Variants in EXT2 observed in about 807,000 individuals in gnomAD.
EXT2 encodes the protein exostosin glycosyltransferase 2.
Under a neutral mutation model 81.6 loss-of-function variants are expected in EXT2, and 53 were observed. That is an observed-to-expected ratio of 0.65 (90% CI 0.52 to 0.82). The LOEUF (loss-of-function observed/expected upper bound fraction) is 0.82, where lower values mean the gene tolerates loss of function less well. EXT2 is among the 40% of genes least tolerant of loss of function. The probability of loss-of-function intolerance (pLI) is 0.00; values close to 1 mark genes in which losing one functional copy is unlikely to be tolerated. For missense variants in EXT2, 774 were observed against 910.2 expected, an observed-to-expected ratio of 0.85 and a Z score of 1.93; for synonymous variants, 320 against 340.0, an observed-to-expected ratio of 0.94 and a Z score of 0.65.
At chr11:44,105,321 C>T (rs1450871850) in intron 1 of EXT2, among the ~76,000 whole-genome samples, 6 of 152,126 alleles carry the variant, frequency 3.9e-5, no homozygotes, top group East Asian at 1.9e-4. Context: ...GAGAAAGAGT[C>T]GTGCTCTATT....
At chr11:44,167,079 C>T (rs138101041) in intron 7 of EXT2, among the ~76,000 whole-genome samples, 86 of 152,290 alleles carry the variant, frequency 5.6e-4, no homozygotes, top group Admixed American at 4.2e-3. Flanking sequence ...TCTTCTCTGA[C>T]GGTACTTGCC....
chr11:44,144,982 A>C (rs72901955), intron 7 of EXT2, among the ~76,000 whole-genome samples: 1 of 152,278 alleles, frequency 6.6e-6, no homozygotes, highest in South Asian at 2.1e-4. Context: ...GTTCAGTCCT[A>C]AAGCATTCAG....
Position 44,232,467 on chromosome 11 carries a change from GT to G in EXT2, c.1778del (p.Val593GlyfsTer28). 1 of 1,614,036 alleles carries G rather than the reference GT, an allele frequency of 6.2e-7. No individual in the cohort carries two copies. Among genetic ancestry groups the G allele is most frequent in the Non-Finnish European group, 8.5e-7 (1 of 1,179,952 alleles). On this transcript the variant is annotated frameshift_variant, in exon 11 of 14. Transcript: ENST00000533608. LOFTEE classifies it high-confidence loss of function. ...TGAGTGGACGAATGAAGTGTCCATG[GT>G]GCTCACTGGGGCAGCTTTTTATCAC... ...ESEWTNEVSMVLTGAAFYHKY... is the reference protein window; with the variant it reads ...ESEWTNEVSMXLTGAAFYHKY...
chr11:44,176,701 G>T (rs760688213), intron 8 of EXT2, among the ~76,000 whole-genome samples: 7 of 152,120 alleles, frequency 4.6e-5, no homozygotes, highest in Non-Finnish European at 8.8e-5. Context: ...AGCCCAACCT[G>T]CAGGGGAGTC....
At chr11:44,119,169 T>TATATATATATATATATAG (rs1192115471) in intron 4 of EXT2, among the ~76,000 whole-genome samples, 7 of 63,148 alleles carry the variant, frequency 1.1e-4, no homozygotes, top group Non-Finnish European at 1.9e-4. Flanking sequence ...TATATATATA[T>TATATATATATATATATAG]ACACATACAC....
intron 2 of EXT2, among the ~76,000 whole-genome samples, chr11:44,108,939 G>A (rs1271323417): frequency 3.3e-5 from 5 of 152,086 alleles, no homozygotes; most frequent in Admixed American, 1.3e-4. Context: ...TGAACATTTG[G>A]GTAGTTTTCA....
At chr11:44,150,899 A>G (rs911052321) in intron 7 of EXT2, among the ~76,000 whole-genome samples, 4 of 152,220 alleles carry the variant, frequency 2.6e-5, no homozygotes, top group African/African-American at 4.8e-5. Context: ...TGTGCCAACC[A>G]TCAGAGAGTT....
chr11:44,237,902 TAAAAAAAAAAAA>T (rs374084527), intron 13 of EXT2, among the ~76,000 whole-genome samples: 39 of 56,386 alleles, frequency 6.9e-4, no homozygotes, highest in Non-Finnish European at 1.2e-3. Context: ...CGTCTCTACT[TAAAAAAAAAAAA>T]AAAAAAAAAA....
chr11:44,201,504 T>G (rs1349845281), intron 9 of EXT2, among the ~76,000 whole-genome samples: 2 of 152,156 alleles, frequency 1.3e-5, no homozygotes, highest in African/African-American at 4.8e-5. Flanking sequence ...AAACTCAGAT[T>G]AGTAATTTGT....
chr11:44,208,335 G>A (rs1955608455), intron 10 of EXT2, among the ~76,000 whole-genome samples: 1 of 152,132 alleles, frequency 6.6e-6, no homozygotes. Context: ...TGGACAGAGG[G>A]CTGTCTCTTA....
chr11:44,188,593 A>G (rs1479322060), intron 8 of EXT2, among the ~76,000 whole-genome samples: 3 of 152,208 alleles, frequency 2.0e-5, no homozygotes, highest in African/African-American at 7.2e-5. Context: ...CCAGGTCTCA[A>G]ATAATTCTTA....
chr11:44,244,261 A>G lies in EXT2; in HGVS notation c.2131A>G (p.Ser711Gly). 1 of 1,614,062 alleles carries G rather than the reference A, an allele frequency of 6.2e-7. No individual in the cohort carries two copies. Among genetic ancestry groups the G allele is most frequent in the Non-Finnish European group, 8.5e-7 (1 of 1,179,996 alleles). ...YKDDFPEKLK[S>G]FPNIGSL Reference sequence around the variant, plus strand: ...AGATGACTTTCCTGAGAAGCTGAAGAGCTTCCCCAACATTGGCAGCTTATG... The same window carrying G: ...AGATGACTTTCCTGAGAAGCTGAAGGGCTTCCCCAACATTGGCAGCTTATG... The change falls in exon 14 of 14, where the codon AGC becomes GGC. Residue 711 changes from serine (S) to glycine (G), a missense_variant. Coordinates refer to ENST00000533608, the MANE Select transcript of EXT2 (RefSeq NM_207122.2).
At chr11:44,232,305 G>C in intron 10 of EXT2, 48 bp from the exon 11 acceptor site, 1 of 1,611,656 alleles carries the variant, frequency 6.2e-7, no homozygotes, top group Non-Finnish European at 8.5e-7. Context: ...GCACTGAATG[G>C]TTGCTGTCTG....
rs1053548206 is a variant in EXT2, at chr11:44,220,666, T to C, written c.1663-11687T>C. Among the ~76,000 whole-genome samples, 2 of 152,318 alleles carry C rather than the reference T, an allele frequency of 1.3e-5. No individual in the cohort carries two copies. Among genetic ancestry groups the C allele is most frequent in the Non-Finnish European group, 2.9e-5 (2 of 68,018 alleles). On this transcript the variant is annotated intron_variant, in intron 10 of 13. Coordinates refer to ENST00000533608, the MANE Select transcript of EXT2 (RefSeq NM_207122.2). The surrounding 1 kb of genome is among the most constrained non-coding windows in gnomAD (Gnocchi z 4.4). Reference sequence around the variant, plus strand: ...TTCAGGCTCCCTGTTTTTCAGCCTGTAGGAGAACTAAATAATCTATTAGGT... The same window carrying C: ...TTCAGGCTCCCTGTTTTTCAGCCTGCAGGAGAACTAAATAATCTATTAGGT...
At chr11:44,217,678 G>A (rs1012104861) in intron 10 of EXT2, among the ~76,000 whole-genome samples, 2 of 152,036 alleles carry the variant, frequency 1.3e-5, no homozygotes, top group Admixed American at 1.3e-4. Context: ...TTACTTGAAT[G>A]TTTGATTTTT....
chr11:44,187,001 C>CCTTT (rs1955321378), intron 8 of EXT2, among the ~76,000 whole-genome samples: 1 of 131,610 alleles, frequency 7.6e-6, no homozygotes, highest in Admixed American at 7.8e-5. Context: ...TTCCTTCCTT[C>CCTTT]CTTCCTTCCT....
chr11:44,213,632 A>G (rs1257549056), intron 10 of EXT2, among the ~76,000 whole-genome samples: 1 of 152,196 alleles, frequency 6.6e-6, no homozygotes, highest in Non-Finnish European at 1.5e-5. Context: ...GATAACAAGA[A>G]AAAACTGGAG....
rs749343014 is a variant in EXT2, at chr11:44,232,374, C to G, written c.1684C>G (p.Arg562Gly). The stretch of plus-strand genomic sequence containing the variant: ...TTAGGTCTGGCGGGAATTTCCTGAC[C>G]GGTTGGTGGGTTACCCGGGTCGTCT... ...GYEVWREFPD[R>G]LVGYPGRLHL... Residue 562 changes from arginine (R) to glycine (G), a missense_variant, in exon 11 of 14, where the codon CGG becomes GGG. Physicochemically the swap from Arg to Gly is moderately radical, Grantham distance 125. This residue lies in a region of EXT2 where 148 missense variants were observed against 239.7 expected (regional missense o/e 0.62). Coordinates refer to ENST00000533608, the MANE Select transcript of EXT2 (RefSeq NM_207122.2). 2.4e-5 allele frequency: 39 copies of G among 1,613,722 alleles called. No homozygotes were observed. Among genetic ancestry groups the G allele is most frequent in the African/African-American group, 6.7e-5 (5 of 74,856 alleles).
chr11:44,210,152 T>C lies in EXT2; in HGVS notation c.1662+3193T>C, dbSNP rs555179083. On this transcript the variant is annotated intron_variant, in intron 10 of 13. Coordinates refer to ENST00000533608, the MANE Select transcript of EXT2 (RefSeq NM_207122.2). ...CCATTCTTCCCATGGGGATTTACCC[T>C]AGAGAAATGACAACAAAAGTCTGCA... Among the ~76,000 whole-genome samples, 14 of 152,340 alleles carry C rather than the reference T, an allele frequency of 9.2e-5. No homozygotes were observed. In the East Asian group the frequency reaches 2.7e-3, roughly 29 times the overall value.
Sources: allele counts gnomAD v4.1 joint callset (sites outside exome capture counted in the v4.1 genomes callset), GRCh38; gene constraint gnomAD v4.1.1; regional missense constraint gnomAD v4.1.1; non-coding constraint Gnocchi (gnomAD v3.1); transcripts MANE v1.5; gene names NCBI Gene and HGNC (gene_info 2026-07-23, HGNC 2026-07-21).